Variants in TAFA1 observed in about 807,000 individuals in gnomAD.
TAFA1 encodes TAFA chemokine like family member 1, also known as chemokine-like protein TAFA-1.
In TAFA1, 4 loss-of-function variants were observed where a neutral mutation model predicts 18.5. The ratio of observed to expected loss-of-function variants is 0.22; its 90% CI spans 0.11 to 0.49. The LOEUF is 0.49. TAFA1 is among the 20% of genes least tolerant of loss of function. The pLI, the probability that TAFA1 is intolerant of heterozygous loss-of-function variation, is 0.98. For missense variants in TAFA1, 147 were observed against 169.0 expected, an observed-to-expected ratio of 0.87 and a Z score of 0.72; for synonymous variants, 56 against 55.2, an observed-to-expected ratio of 1.01 and a Z score of -0.06.
chr3:68,069,217 C>T (rs1388134549), intron 2 of TAFA1, among the ~76,000 whole-genome samples: 1 of 152,170 alleles, frequency 6.6e-6, no homozygotes, highest in South Asian at 2.1e-4. Context: ...GTAATTTATA[C>T]AGCAGAAAGG....
At chr3:68,005,088 G>T (rs1218002356) in intron 1 of TAFA1, among the ~76,000 whole-genome samples, 1 of 151,970 alleles carries the variant, frequency 6.6e-6, no homozygotes, top group African/African-American at 2.4e-5. Flanking sequence ...TTCACAAGCA[G>T]TAAATACATC....
rs181181786 is a variant in TAFA1 at position 68,296,270 on chromosome 3, A to T, written c.119-121010A>T. The stretch of plus-strand genomic sequence containing the variant: ...GTTTTTATCTACAGCCTTTTAAAAC[A>T]TGTGACTTGTCTGTCCACATGGTAT... On this transcript the variant is annotated intron_variant, in intron 2 of 4. Coordinates refer to ENST00000478136, the MANE Select transcript of TAFA1 (RefSeq NM_213609.4). Among the ~76,000 whole-genome samples the T allele has an allele frequency of 7.8e-4, 119 of 152,154 alleles. 1 individual carries two copies. Among genetic ancestry groups the T allele is most frequent in the Non-Finnish European group, 1.5e-3 (99 of 68,014 alleles).
At chr3:68,459,746 C>G (rs1018786259) in intron 3 of TAFA1, among the ~76,000 whole-genome samples, 4 of 152,180 alleles carry the variant, frequency 2.6e-5, no homozygotes, top group African/African-American at 9.7e-5. Flanking sequence ...ATAAGACTTT[C>G]ACTTTAAGAT....
chr3:68,378,956 C>T (rs1485638336), intron 2 of TAFA1, among the ~76,000 whole-genome samples: 2 of 152,168 alleles, frequency 1.3e-5, no homozygotes, highest in African/African-American at 2.4e-5. Context: ...TCAATTAAGC[C>T]TCTTTCCTTT....
chr3:68,203,684 T>C (rs2066493025), intron 2 of TAFA1, among the ~76,000 whole-genome samples: 1 of 151,672 alleles, frequency 6.6e-6, no homozygotes, highest in Non-Finnish European at 1.5e-5. Flanking sequence ...GTATTTATCT[T>C]TTCTCACATG....
At chr3:68,037,978 A>C (rs1345174) in intron 2 of TAFA1, among the ~76,000 whole-genome samples, 97,780 of 152,002 alleles carry the variant, frequency 0.64, 31,749 homozygotes, top group East Asian at 0.78. Flanking sequence ...CCACAAGACA[A>C]CTTTCCATAG....
intron 3 of TAFA1, among the ~76,000 whole-genome samples, chr3:68,533,604 AT>A (rs1051452504): frequency 6.6e-6 from 1 of 152,206 alleles, no homozygotes; most frequent in Non-Finnish European, 1.5e-5. Context: ...GTAAAACTGC[AT>A]TTTACATGAG....
intron 3 of TAFA1, among the ~76,000 whole-genome samples, chr3:68,502,351 A>G (rs1489878242): frequency 6.6e-6 from 1 of 151,038 alleles, no homozygotes; most frequent in Non-Finnish European, 1.5e-5. Context: ...GAACACACAG[A>G]AAAAAAAAGA....
At chr3:68,147,288 A>T (rs1242132019) in intron 2 of TAFA1, among the ~76,000 whole-genome samples, 3 of 151,948 alleles carry the variant, frequency 2.0e-5, no homozygotes, top group African/African-American at 7.3e-5. Context: ...GCAACTAGGG[A>T]CCACTCTTAT....
intron 2 of TAFA1, among the ~76,000 whole-genome samples, chr3:68,249,576 C>T (rs2067152505): frequency 6.6e-6 from 1 of 152,026 alleles, no homozygotes; most frequent in African/African-American, 2.4e-5. Flanking sequence ...GGAATGGCTG[C>T]TCAGGAGGCA....
At chr3:68,209,867 C>A (rs2066574402) in intron 2 of TAFA1, among the ~76,000 whole-genome samples, 1 of 151,858 alleles carries the variant, frequency 6.6e-6, no homozygotes, top group African/African-American at 2.4e-5. Context: ...GATTGAAAAT[C>A]AAAAATACAT....
At chr3:68,460,398 A>G (rs560998209) in intron 3 of TAFA1, among the ~76,000 whole-genome samples, 50 of 152,246 alleles carry the variant, frequency 3.3e-4, no homozygotes, top group African/African-American at 9.4e-4. Context: ...TGGTTCCTTC[A>G]GTATAAAGGA....
chr3:68,263,801 A>G lies in TAFA1; in HGVS notation c.119-153479A>G, dbSNP rs552277098. On this transcript the variant is annotated intron_variant, in intron 2 of 4. Transcript: ENST00000478136. ...TCTAGGTCTTTTTATTACACTATAA[A>G]CCTATGTTTCGTGTATCCAAGCACA... is the stretch of plus-strand genomic sequence containing the variant. Among the ~76,000 whole-genome samples the G allele has an allele frequency of 3.3e-5, 5 of 152,080 alleles. No individual in the cohort carries two copies. In the South Asian group the frequency reaches 1.0e-3, roughly 32 times the overall value.
intron 2 of TAFA1, among the ~76,000 whole-genome samples, chr3:68,393,313 T>C (rs553669831): frequency 2.1e-4 from 32 of 150,846 alleles, no homozygotes; most frequent in African/African-American, 6.8e-4. Context: ...CAGGAAGAAG[T>C]CAAATCCCTG....
intron 2 of TAFA1, among the ~76,000 whole-genome samples, chr3:68,075,374 C>G (rs1346327215): frequency 6.6e-6 from 1 of 152,206 alleles, no homozygotes; most frequent in Admixed American, 6.5e-5. Context: ...CAGAAACCAA[C>G]TTGTAGTTTG....
At chr3:68,285,890 A>T (rs57400793) in intron 2 of TAFA1, among the ~76,000 whole-genome samples, 2,071 of 152,290 alleles carry the variant, frequency 0.014, 67 homozygotes, top group East Asian at 0.12. Context: ...CAGACTTATG[A>T]ATTAGGAGAC....
At chr3:68,524,679 G>GTTTTTTT (rs368078839) in intron 3 of TAFA1, among the ~76,000 whole-genome samples, 11 of 149,880 alleles carry the variant, frequency 7.3e-5, no homozygotes, top group East Asian at 4.0e-4. Flanking sequence ...TTTTGTTTTT[G>GTTTTTTT]TTTTTTTTTG....
At chr3:68,078,769 T>A (rs2064858643) in intron 2 of TAFA1, among the ~76,000 whole-genome samples, 1 of 152,174 alleles carries the variant, frequency 6.6e-6, no homozygotes. Context: ...GGTCTAAAAT[T>A]CTCTTTTTTT....
upstream of TAFA1, among the ~76,000 whole-genome samples, chr3:67,999,347 G>C (rs796774117): frequency 6.6e-5 from 10 of 151,392 alleles, no homozygotes; most frequent in African/African-American, 2.4e-4. Flanking sequence ...ATACAAAAGA[G>C]TAACATTAGA....
Sources: allele counts gnomAD v4.1 joint callset (sites outside exome capture counted in the v4.1 genomes callset), GRCh38; gene constraint gnomAD v4.1.1; transcripts MANE v1.5; gene names NCBI Gene and HGNC (gene_info 2026-07-23, HGNC 2026-07-21).